RUNX2: variants seen among roughly 807,000 people sequenced by gnomAD.
The protein encoded by RUNX2 is runt-related transcription factor 2.
A neutral mutation model predicts 51.7 loss-of-function variants in RUNX2; 10 were observed. The observed-to-expected ratio is 0.19, with a 90% CI of 0.12 to 0.33. The LOEUF is 0.33. Among genes scored for constraint, RUNX2 ranks in the 10% least tolerant of loss-of-function variants. The probability of loss-of-function intolerance (pLI) is 1.00; values close to 1 mark genes in which losing one functional copy is unlikely to be tolerated. For synonymous variants in RUNX2, 276 were observed against 273.6 expected, an observed-to-expected ratio of 1.01 and a Z score of -0.09; for missense variants, 562 against 691.3, an observed-to-expected ratio of 0.81 and a Z score of 2.10.
At chr6:45,498,015 G>A (rs191469977) in intron 6 of RUNX2, among the ~76,000 whole-genome samples, 1 of 152,054 alleles carries the variant, frequency 6.6e-6, no homozygotes, top group Non-Finnish European at 1.5e-5. Context: ...TATGAGATAG[G>A]AGGCATTCTT....
intron 7 of RUNX2, among the ~76,000 whole-genome samples, chr6:45,514,636 G>C (rs1217712964): frequency 6.6e-6 from 1 of 152,174 alleles, no homozygotes; most frequent in Non-Finnish European, 1.5e-5. Flanking sequence ...GACATGGACT[G>C]TCAGGGAACT....
At chr6:45,489,085 T>G (rs1483403732) in intron 5 of RUNX2, among the ~76,000 whole-genome samples, 1 of 152,222 alleles carries the variant, frequency 6.6e-6, no homozygotes, top group Non-Finnish European at 1.5e-5. Flanking sequence ...TGTTCTTCAA[T>G]GTACTTCATA....
chr6:45,364,643 G>A (rs906613469), intron 2 of RUNX2, among the ~76,000 whole-genome samples: 1 of 152,140 alleles, frequency 6.6e-6, no homozygotes, highest in African/African-American at 2.4e-5. Context: ...AAGATGAACA[G>A]AGCCTTAAGA....
intron 7 of RUNX2, among the ~76,000 whole-genome samples, chr6:45,540,943 G>T (rs1802206062): frequency 6.6e-6 from 1 of 152,220 alleles, no homozygotes; most frequent in Admixed American, 6.5e-5. Flanking sequence ...GTCAAGTGAT[G>T]CAATAATGCT....
In RUNX2 at chr6:45,549,328, T is replaced by C; in HGVS notation, c.*2023T>C. 1 of 398,532 alleles carries C rather than the reference T, an allele frequency of 2.5e-6. No homozygotes were observed. Among genetic ancestry groups the C allele is most frequent in the Non-Finnish European group, 4.4e-6 (1 of 226,048 alleles). 24.7% of individuals were successfully genotyped at this position (398,532 alleles called of 1,614,324 possible). The stretch of plus-strand genomic sequence containing the variant: ...CTGGTCCTTCTCAAACCCACCTTTG[T>C]AGGCCACCCAGCATTGCAGGACAGC... On this transcript the variant is annotated 3_prime_UTR_variant, in exon 9 of 9. Transcript: ENST00000647337.
intron 2 of RUNX2, among the ~76,000 whole-genome samples, chr6:45,348,543 C>T (rs1185238790): frequency 6.7e-6 from 1 of 149,008 alleles, no homozygotes; most frequent in African/African-American, 2.5e-5. Context: ...GGTATGGTGG[C>T]GCATGCCTGT....
intron 5 of RUNX2, among the ~76,000 whole-genome samples, chr6:45,485,006 A>G (rs1199062450): frequency 6.6e-6 from 1 of 152,118 alleles, no homozygotes. Flanking sequence ...CTGTGGCTTG[A>G]GCCCTAGAGT....
intron 7 of RUNX2, among the ~76,000 whole-genome samples, chr6:45,542,184 T>C (rs982105976): frequency 1.3e-5 from 2 of 152,216 alleles, no homozygotes; most frequent in Non-Finnish European, 2.9e-5. Context: ...TCACACACTT[T>C]CCACTTGAAG....
chr6:45,337,944 G>A (rs1447856049), intron 2 of RUNX2, among the ~76,000 whole-genome samples: 1 of 151,850 alleles, frequency 6.6e-6, no homozygotes, highest in African/African-American at 2.4e-5. Context: ...TGACAATGAT[G>A]TTATCACCTA....
At chr6:45,499,710 G>C (rs1013313219) in intron 6 of RUNX2, among the ~76,000 whole-genome samples, 5 of 151,978 alleles carry the variant, frequency 3.3e-5, no homozygotes, top group Non-Finnish European at 7.4e-5. Flanking sequence ...CTCCTATCTG[G>C]GAATATAAGA....
At chr6:45,418,391 G>A (rs905683789) in intron 2 of RUNX2, among the ~76,000 whole-genome samples, 35 of 152,114 alleles carry the variant, frequency 2.3e-4, no homozygotes, top group Non-Finnish European at 4.9e-4. Flanking sequence ...GATTATGTTT[G>A]TATCTTCCAG....
chr6:45,387,567 C>T (rs932190332), intron 2 of RUNX2, among the ~76,000 whole-genome samples: 7 of 152,226 alleles, frequency 4.6e-5, no homozygotes, highest in African/African-American at 1.7e-4. Flanking sequence ...TAAATATCCA[C>T]ATTCAATGCT....
intron 2 of RUNX2, among the ~76,000 whole-genome samples, chr6:45,402,785 T>C (rs563192687): frequency 3.7e-4 from 56 of 152,228 alleles, no homozygotes; most frequent in Admixed American, 7.8e-4. Flanking sequence ...GGTAGGAGGA[T>C]TGTTTGAACC....
At chr6:45,533,344 T>C (rs1801922261) in intron 7 of RUNX2, among the ~76,000 whole-genome samples, 1 of 152,234 alleles carries the variant, frequency 6.6e-6, no homozygotes, top group Non-Finnish European at 1.5e-5. Context: ...AAAGACCACT[T>C]TGAGAACAAG....
intron 3 of RUNX2, 55 bp downstream of exon 3, chr6:45,423,012 C>G (rs1798265858): frequency 1.9e-6 from 3 of 1,587,120 alleles, no homozygotes; most frequent in East Asian, 2.3e-5. Context: ...ACCTGCCCGC[C>G]GGTGTCTTCC....
chr6:45,453,974 T>G (rs1426209248), intron 5 of RUNX2, among the ~76,000 whole-genome samples: 1 of 152,234 alleles, frequency 6.6e-6, no homozygotes, highest in African/African-American at 2.4e-5. Context: ...TATTATATAT[T>G]GGTTCTATAT....
Position 45,548,598 on chromosome 6 carries a change from T to C in RUNX2, c.*1293T>C, listed in dbSNP as rs1049933324. ...TTCTTTGGGGTAATTATGACTCTTG[T>C]CATATTAAAAAGACAAGCACAAGTA... On this transcript the variant is annotated 3_prime_UTR_variant, in exon 9 of 9. Coordinates refer to ENST00000647337, the MANE Select transcript of RUNX2 (RefSeq NM_001024630.4). 1.3e-5 allele frequency: 2 copies of C among 152,686 alleles called. No homozygotes were observed. Among genetic ancestry groups the C allele is most frequent in the African/African-American group, 4.8e-5 (2 of 41,464 alleles). The allele number at this position is 152,686 out of a possible 1,614,324, so 9.5% of individuals were successfully genotyped here.
chr6:45,540,180 A>T (rs752727894), intron 7 of RUNX2, among the ~76,000 whole-genome samples: 40 of 152,190 alleles, frequency 2.6e-4, no homozygotes, highest in Admixed American at 6.5e-4. Flanking sequence ...GAGGACTCTG[A>T]ATATGCCCAT....
chr6:45,515,552 T>C (rs984613821), intron 7 of RUNX2, among the ~76,000 whole-genome samples: 3 of 152,138 alleles, frequency 2.0e-5, no homozygotes, highest in Non-Finnish European at 4.4e-5. Context: ...AATCTAAACT[T>C]TTAAAGGGGA....
Sources: allele counts gnomAD v4.1 joint callset (sites outside exome capture counted in the v4.1 genomes callset), GRCh38; gene constraint gnomAD v4.1.1; transcripts MANE v1.5; gene names NCBI Gene and HGNC (gene_info 2026-07-23, HGNC 2026-07-21).